Variants in CELF2 observed in about 807,000 individuals in gnomAD.
CELF2 encodes the protein CUG triplet repeat RNA-binding protein 2.
In CELF2, 8 loss-of-function variants were observed where a neutral mutation model predicts 62.6. The ratio of observed to expected loss-of-function variants is 0.13; its 90% CI spans 0.07 to 0.23. The LOEUF is 0.23. Among genes scored for constraint, CELF2 ranks in the 10% least tolerant of loss-of-function variants. The pLI is 1.00. For missense variants in CELF2, 333 were observed against 671.0 expected, an observed-to-expected ratio of 0.50 and a Z score of 5.56; for synonymous variants, 258 against 250.0, an observed-to-expected ratio of 1.03 and a Z score of -0.30.
the CELF2 span, among the ~76,000 whole-genome samples, chr10:10,702,750 A>C: frequency 6.6e-6 from 1 of 152,094 alleles, no homozygotes; most frequent in Admixed American, 6.5e-5. Flanking sequence ...AGGCCCAGCT[A>C]ATTTTCTGTA....
chr10:10,549,442 C>T, the CELF2 span, among the ~76,000 whole-genome samples: 1 of 152,162 alleles, frequency 6.6e-6, no homozygotes, highest in Non-Finnish European at 1.5e-5. Context: ...CACCACCACG[C>T]CTGGATAATT....
rs770294149 is a variant in CELF2, at chr10:11,215,294, C to T, written c.272-2131C>T. Among the ~76,000 whole-genome samples, 9 of 152,216 alleles carry T rather than the reference C, an allele frequency of 5.9e-5. No homozygotes were observed. The South Asian group carries it at 6.2e-4, about 11-fold the overall frequency. ...TGGTCAAAGCTCTCCACAGCTGGCT[C>T]ACACAGAAGTGCACACAATTCACTC... On this transcript the variant is annotated intron_variant, in intron 2 of 12. Transcript: ENST00000633077.
chr10:10,828,211 T>G (rs998521872), intron 1 of CELF2, among the ~76,000 whole-genome samples: 4 of 152,152 alleles, frequency 2.6e-5, no homozygotes, highest in Non-Finnish European at 1.5e-5. Context: ...TGTATACCTA[T>G]GTTCACAGCA....
intron 2 of CELF2, among the ~76,000 whole-genome samples, chr10:10,933,405 T>C (rs2066296997): frequency 6.6e-6 from 1 of 152,246 alleles, no homozygotes; most frequent in Non-Finnish European, 1.5e-5. Context: ...GTATTTAGCA[T>C]ATCTGTCATC....
intron 2 of CELF2, among the ~76,000 whole-genome samples, chr10:10,921,184 A>C (rs1056618678): frequency 1.3e-5 from 2 of 151,892 alleles, no homozygotes; most frequent in African/African-American, 2.4e-5. Context: ...CAAATTCCTG[A>C]CCTCAGGTGA....
At chr10:10,651,210 G>C in the CELF2 span, among the ~76,000 whole-genome samples, 3 of 102,836 alleles carry the variant, frequency 2.9e-5, 1 homozygote, top group African/African-American at 1.1e-4. Flanking sequence ...CATCTGGCTC[G>C]GAGGGTCCTA....
chr10:10,631,799 A>G, the CELF2 span, among the ~76,000 whole-genome samples: 2 of 152,190 alleles, frequency 1.3e-5, no homozygotes. Flanking sequence ...AAAATGTAAG[A>G]TAAGAAAATG....
chr10:10,615,990 T>A, the CELF2 span, among the ~76,000 whole-genome samples: 1 of 152,104 alleles, frequency 6.6e-6, no homozygotes, highest in Non-Finnish European at 1.5e-5. Context: ...CTTGCAAGCA[T>A]GTGTTAGGAT....
chr10:10,634,736 A>T, the CELF2 span, among the ~76,000 whole-genome samples: 1 of 147,180 alleles, frequency 6.8e-6, no homozygotes. Context: ...ATCTCGGCTC[A>T]CTGCAACCTC....
At chr10:10,500,755 A>G in the CELF2 span, among the ~76,000 whole-genome samples, 5 of 151,652 alleles carry the variant, frequency 3.3e-5, no homozygotes, top group Non-Finnish European at 7.4e-5. Flanking sequence ...CATGAAGAAG[A>G]CCCCTTACCT....
chr10:10,783,164 G>T, the CELF2 span, among the ~76,000 whole-genome samples: 2 of 152,168 alleles, frequency 1.3e-5, no homozygotes, highest in Non-Finnish European at 2.9e-5. Context: ...GGGCTGAAAT[G>T]AGTCCCCCAA....
At position 11,316,838 on chromosome 10, in the gene CELF2, G is replaced by A. The variant is rs926179466; in HGVS notation, c.1096+2580G>A. On this transcript the variant is annotated intron_variant, in intron 10 of 12. Transcript: ENST00000633077. This position sits in a 1 kb window ranked among gnomAD's most constrained non-coding sequence, Gnocchi z 4.4. Reference sequence around the variant, plus strand: ...CAAGTAGCTCAATTAAACTGTTTGAGTTTGATATCCTTTTTATTCCCTGAT... The same window carrying A: ...CAAGTAGCTCAATTAAACTGTTTGAATTTGATATCCTTTTTATTCCCTGAT... 3 of 152,182 alleles carry A rather than the reference G, an allele frequency of 2.0e-5. No individual in the cohort carries two copies. The highest frequency in any genetic ancestry group is 7.2e-5 in the African/African-American group (3 of 41,452). 9.4% of individuals were successfully genotyped at this position (152,182 alleles called of 1,614,324 possible).
At chr10:10,751,296 C>T in the CELF2 span, among the ~76,000 whole-genome samples, 4 of 152,188 alleles carry the variant, frequency 2.6e-5, no homozygotes, top group Admixed American at 6.5e-5. Flanking sequence ...GAACTCACTG[C>T]GTTCCATGAG....
chr10:10,939,607 A>T (rs546739668), intron 2 of CELF2, among the ~76,000 whole-genome samples: 4 of 152,038 alleles, frequency 2.6e-5, no homozygotes, highest in Admixed American at 6.5e-5. Context: ...AATTCTTAAT[A>T]AGTGTTTATT....
At position 11,300,548 on chromosome 10, in the gene CELF2, G is replaced by A. The variant is rs111754371; in HGVS notation, c.976+11996G>A. The stretch of plus-strand genomic sequence containing the variant: ...CTACCTCCTCTTCCTCAGTCACCCC[G>A]CCCCTCCCTGCCCAAACTATCTTCG... On this transcript the variant is annotated intron_variant, in intron 9 of 12. Transcript: ENST00000633077. This position sits in a 1 kb window ranked among gnomAD's most constrained non-coding sequence, Gnocchi z 5.5. Among the ~76,000 whole-genome samples, 9 of 149,378 alleles carry A rather than the reference G, an allele frequency of 6.0e-5. No homozygotes were observed. Among genetic ancestry groups the A allele is most frequent in the African/African-American group, 1.5e-4 (6 of 40,926 alleles).
At chr10:10,707,655 C>T in the CELF2 span, among the ~76,000 whole-genome samples, 60 of 152,262 alleles carry the variant, frequency 3.9e-4, no homozygotes, top group African/African-American at 1.1e-3. Flanking sequence ...CAGAAGCGGA[C>T]GAAATGACCA....
chr10:11,084,395 G>A (rs367770828), intron 1 of CELF2, among the ~76,000 whole-genome samples: 44 of 152,210 alleles, frequency 2.9e-4, no homozygotes, highest in African/African-American at 3.1e-4. Context: ...GAAAGAAGGC[G>A]TGTGCCAGAG....
the CELF2 span, among the ~76,000 whole-genome samples, chr10:10,786,180 G>A: frequency 6.6e-6 from 1 of 152,204 alleles, no homozygotes; most frequent in Non-Finnish European, 1.5e-5. Flanking sequence ...GCTCACAATT[G>A]CGCCACTGTC....
intron 1 of CELF2, among the ~76,000 whole-genome samples, chr10:11,054,489 T>TTG (rs35465939): frequency 0.088 from 13,140 of 149,454 alleles, 644 homozygotes; most frequent in Non-Finnish European, 0.11. Flanking sequence ...GTATGTGTGT[T>TTG]TGTGTGTGTG....
Sources: allele counts gnomAD v4.1 joint callset (sites outside exome capture counted in the v4.1 genomes callset), GRCh38; gene constraint gnomAD v4.1.1; non-coding constraint Gnocchi (gnomAD v3.1); transcripts MANE v1.5; gene names NCBI Gene and HGNC (gene_info 2026-07-23, HGNC 2026-07-21).